SEC61A2: variants seen among roughly 807,000 people sequenced by gnomAD.
SEC61A2 encodes SEC61 translocon subunit alpha 2.
In SEC61A2, 28 loss-of-function variants were observed where a neutral mutation model predicts 59.9. The ratio of observed to expected loss-of-function variants is 0.47; its 90% CI spans 0.35 to 0.64. SEC61A2 has a LOEUF of 0.64. SEC61A2 is among the 30% of genes least tolerant of loss of function. SEC61A2 has a pLI of 0.01. For synonymous variants in SEC61A2, 202 were observed against 214.4 expected, an observed-to-expected ratio of 0.94 and a Z score of 0.50; for missense variants, 340 against 585.9, an observed-to-expected ratio of 0.58 and a Z score of 4.33.
chr10:12,148,635 G>A (rs757183839), intron 4 of SEC61A2, among the ~76,000 whole-genome samples: 4 of 151,554 alleles, frequency 2.6e-5, no homozygotes, highest in African/African-American at 4.9e-5. Context: ...CAACTCCTCG[G>A]TTCAAGGGAT....
In SEC61A2 at chr10:12,154,127, T is replaced by C. The variant is rs1834344313; in HGVS notation, c.463-1651T>C. Among the ~76,000 whole-genome samples, 1 of 152,198 alleles carries C rather than the reference T, an allele frequency of 6.6e-6. No homozygotes were observed. The highest frequency in any genetic ancestry group is 1.5e-5 in the Non-Finnish European group (1 of 68,034). The stretch of plus-strand genomic sequence containing the variant: ...ATGTCGTCCATTCCCCGTGAACATG[T>C]AGCAGTTAGGGTTCTGGTCCCATCA... On this transcript the variant is annotated intron_variant, in intron 6 of 11. Transcript: ENST00000298428. The surrounding 1 kb of genome is among the most constrained non-coding windows in gnomAD (Gnocchi z 5.2).
chr10:12,168,315 C>T (rs1834760959), downstream of SEC61A2, among the ~76,000 whole-genome samples: 1 of 152,194 alleles, frequency 6.6e-6, no homozygotes, highest in Admixed American at 6.5e-5. This position sits in a 1 kb window ranked among gnomAD's most constrained non-coding sequence, Gnocchi z 4.8. Context: ...TGAGCTACCG[C>T]ACCCAGCCAG....
rs1483715074 is a variant in SEC61A2, at chr10:12,164,400, A to C, written c.1377A>C (p.Glu459Asp). ...LAVTIIYQYF[E>D]IFVKEQAEVG... ...TCACTATTATTTACCAGTATTTTGA[A>C]ATATTTGTTAAAGAACAGGCCGAAG... The change falls in exon 12 of 12, where the codon GAA becomes GAC. Residue 459 changes from glutamate to aspartate, a missense_variant. Physicochemically the swap from Glu to Asp is conservative, Grantham distance 45. This residue lies in a region of SEC61A2 where 283 missense variants were observed against 483.2 expected (regional missense o/e 0.59). Coordinates refer to ENST00000298428, the MANE Select transcript of SEC61A2 (RefSeq NM_018144.4). This position sits in a 1 kb window ranked among gnomAD's most constrained non-coding sequence, Gnocchi z 7.3. 6.2e-7 allele frequency: 1 copy of C among 1,613,988 alleles called. No individual in the cohort carries two copies. Among genetic ancestry groups the C allele is most frequent in the South Asian group, 1.1e-5 (1 of 91,046 alleles).
chr10:12,138,818 T>C (rs1833944738), intron 3 of SEC61A2, among the ~76,000 whole-genome samples: 1 of 152,258 alleles, frequency 6.6e-6, no homozygotes, highest in Non-Finnish European at 1.5e-5. Flanking sequence ...CAATTTGCTA[T>C]GAACATTCAT....
rs1294009257 is a variant in SEC61A2, at chr10:12,154,482, T to G, written c.463-1296T>G. Among the ~76,000 whole-genome samples, 1 of 152,194 alleles carries G rather than the reference T, an allele frequency of 6.6e-6. No individual in the cohort carries two copies. The highest frequency in any genetic ancestry group is 1.9e-4 in the East Asian group (1 of 5,198). On this transcript the variant is annotated intron_variant, in intron 6 of 11. Transcript: ENST00000298428. This position sits in a 1 kb window ranked among gnomAD's most constrained non-coding sequence, Gnocchi z 5.2. ...CTGTTGCCTCCTGCATAGGATGGGT[T>G]TCTCTATGATGGGGAGTCTCTGTTC... is the stretch of plus-strand genomic sequence containing the variant.
chr10:12,156,983 G>A lies in SEC61A2; in HGVS notation c.693G>A (p.Arg231=). The part of the protein sequence containing the change: ...ATRTDKVRAL[R]EAFYRQNLPN... ...GGACGGACAAAGTCCGAGCTTTACG[G>A]GAGGCTTTTTATCGGCAGAACTTAC... is the stretch of plus-strand genomic sequence containing the variant. Residue 231 remains arginine, a synonymous_variant, in exon 8 of 12, where the codon CGG becomes CGA. Coordinates refer to ENST00000298428, the MANE Select transcript of SEC61A2 (RefSeq NM_018144.4). This position sits in a 1 kb window ranked among gnomAD's most constrained non-coding sequence, Gnocchi z 5.2. 1 of 1,614,032 alleles carries A rather than the reference G, an allele frequency of 6.2e-7. No individual in the cohort carries two copies. The highest frequency in any genetic ancestry group is 8.5e-7 in the Non-Finnish European group (1 of 1,179,930).
At chr10:12,137,269 G>T (rs997002596) in intron 3 of SEC61A2, among the ~76,000 whole-genome samples, 4 of 152,134 alleles carry the variant, frequency 2.6e-5, no homozygotes, top group African/African-American at 9.7e-5. Flanking sequence ...ATCTTGGGTT[G>T]TACTGTGTTT....
chr10:12,137,169 T>C (rs979263926), intron 3 of SEC61A2, among the ~76,000 whole-genome samples: 1 of 151,882 alleles, frequency 6.6e-6, no homozygotes, highest in Non-Finnish European at 1.5e-5. Flanking sequence ...GCCTCCCTAG[T>C]AGGTAGGACT....
intron 2 of SEC61A2, 90 bp downstream of exon 2, chr10:12,133,398 C>T: frequency 1.6e-6 from 1 of 640,268 alleles, no homozygotes; most frequent in Non-Finnish European, 2.8e-6. Flanking sequence ...CAGTCCTTCT[C>T]TGTTGGTAAT....
intron 3 of SEC61A2, among the ~76,000 whole-genome samples, chr10:12,137,779 G>A (rs532415722): frequency 6.6e-6 from 1 of 152,242 alleles, no homozygotes; most frequent in Admixed American, 6.5e-5. Flanking sequence ...GGCCAAAGTG[G>A]GAGGATTACT....
At position 12,149,599 on chromosome 10, in the gene SEC61A2, T is replaced by A. The variant is rs748795025; in HGVS notation, c.225T>A (p.Thr75=). Residue 75 remains threonine (T), a synonymous_variant, in exon 5 of 12, where the codon ACT becomes ACA. Transcript: ENST00000298428. This position sits in a 1 kb window ranked among gnomAD's most constrained non-coding sequence, Gnocchi z 5.2. ...TTCTCTCCCCTTCCTTTCCAGGAACTTTAATGGAATTGGGTATCTCCCCAA... is the reference window on the plus strand; with the variant it reads ...TTCTCTCCCCTTCCTTTCCAGGAACATTAATGGAATTGGGTATCTCCCCAA... ...MRVILASNRG[T]LMELGISPIV... is the part of the protein sequence containing the mutation. 203 of 1,603,442 alleles carry A rather than the reference T, an allele frequency of 1.3e-4. 1 individual carries two copies. Among genetic ancestry groups the A allele is most frequent in the Non-Finnish European group, 7.2e-5 (85 of 1,176,518 alleles).
rs139965160 is a variant in SEC61A2 at position 12,147,552 on chromosome 10, G to T, written c.221-2043G>T. ...ATACAGAAATTAGCTGGGCATGGTG[G>T]CTTACGCCAGTAATCTCAGGTACTC... On this transcript the variant is annotated intron_variant, in intron 4 of 11. Transcript: ENST00000298428. 2.6e-3 allele frequency among the ~76,000 whole-genome samples: 395 copies of T among 152,172 alleles called. 1 individual carries two copies. Among genetic ancestry groups the T allele is most frequent in the African/African-American group, 9.2e-3 (380 of 41,514 alleles).
At position 12,155,893 on chromosome 10, in the gene SEC61A2, G is replaced by A; in HGVS notation, c.578G>A (p.Trp193Ter). ...ACCAACATCTGTGAGACCATTGTCTGGAAGGCCTTTAGTCCCACTACCATT... is the reference window on the plus strand; with the variant it reads ...ACCAACATCTGTGAGACCATTGTCTAGAAGGCCTTTAGTCCCACTACCATT... The part of the protein sequence containing the change: ...IATNICETIV[W>*]KAFSPTTINT... Residue 193 changes from tryptophan to a stop codon, truncating the protein, a stop_gained, in exon 7 of 12, where the codon TGG (tryptophan) becomes TAG (stop). Transcript: ENST00000298428. LOFTEE classifies it high-confidence loss of function. This position sits in a 1 kb window ranked among gnomAD's most constrained non-coding sequence, Gnocchi z 4.3. 6.2e-7 allele frequency: 1 copy of A among 1,614,188 alleles called. No individual in the cohort carries two copies. Among genetic ancestry groups the A allele is most frequent in the Non-Finnish European group, 8.5e-7 (1 of 1,180,026 alleles).
chr10:12,153,760 G>A lies in SEC61A2; in HGVS notation c.463-2018G>A, dbSNP rs1834335774. The A allele has an allele frequency of 1.9e-6, 3 of 1,610,970 alleles. No individual in the cohort carries two copies. Among genetic ancestry groups the A allele is most frequent in the African/African-American group, 2.7e-5 (2 of 74,854 alleles). On this transcript the variant is annotated intron_variant, in intron 6 of 11. Transcript: ENST00000298428. This position sits in a 1 kb window ranked among gnomAD's most constrained non-coding sequence, Gnocchi z 5.2. ...AAGGCGTTACTAACATTGAAAATAT[G>A]TGGATACACTGAAGAGCTATGATTG... is the stretch of plus-strand genomic sequence containing the variant.
At chr10:12,141,059 C>T (rs1194394215) in intron 3 of SEC61A2, among the ~76,000 whole-genome samples, 3 of 152,092 alleles carry the variant, frequency 2.0e-5, no homozygotes, top group Non-Finnish European at 2.9e-5. Context: ...GCCGCCACTC[C>T]CTGCTAATTT....
chr10:12,149,005 T>C lies in SEC61A2; in HGVS notation c.221-590T>C, dbSNP rs1173043448. Among the ~76,000 whole-genome samples, 1 of 152,162 alleles carries C rather than the reference T, an allele frequency of 6.6e-6. No individual in the cohort carries two copies. The highest frequency in any genetic ancestry group is 2.4e-5 in the African/African-American group (1 of 41,442). ...TGATGTGACAGAGTGGCCCAGGAAG[T>C]CTTGGCACTGTAGAATTACTTGATT... On this transcript the variant is annotated intron_variant, in intron 4 of 11. Coordinates refer to ENST00000298428, the MANE Select transcript of SEC61A2 (RefSeq NM_018144.4). This position sits in a 1 kb window ranked among gnomAD's most constrained non-coding sequence, Gnocchi z 5.2.
At chr10:12,167,664 G>A (rs769933424), downstream of SEC61A2, 2 of 1,584,328 alleles carry the variant, frequency 1.3e-6, no homozygotes, top group South Asian at 1.1e-5. Context: ...AAGGCCTGGT[G>A]GTCTCGTTTA....
rs553425979 is a variant in SEC61A2, at chr10:12,163,068, T to G, written c.1244+779T>G. Among the ~76,000 whole-genome samples the G allele has an allele frequency of 4.6e-5, 7 of 152,344 alleles. No individual in the cohort carries two copies. The South Asian group carries it at 1.2e-3, about 27-fold the overall frequency. ...GTTGTGAACATATTTGTACAAATTT[T>G]GTGCTGCTCAGCTGTCTTCCAGGTT... is the stretch of plus-strand genomic sequence containing the variant. On this transcript the variant is annotated intron_variant, in intron 11 of 11. Coordinates refer to ENST00000298428, the MANE Select transcript of SEC61A2 (RefSeq NM_018144.4).
Position 12,158,241 on chromosome 10 carries a change from G to A in SEC61A2, c.975+136G>A. The A allele has an allele frequency of 1.4e-6, 1 of 694,222 alleles. No individual in the cohort carries two copies. The highest frequency in any genetic ancestry group is 2.4e-6 in the Non-Finnish European group (1 of 424,976). The allele number at this position is 694,222 out of a possible 1,614,324, so 43.0% of individuals were successfully genotyped here. A position where few individuals can be genotyped will look rare whatever the true frequency, so the allele number is the denominator to read the frequency against. ...TCACTTACCTATATAGCAGAGTTTAGTACTTATCTGGAAGAACTGGTAAGT... is the reference window on the plus strand; with the variant it reads ...TCACTTACCTATATAGCAGAGTTTAATACTTATCTGGAAGAACTGGTAAGT... On this transcript the variant is annotated intron_variant, in intron 9 of 11. Transcript: ENST00000298428. The surrounding 1 kb of genome is among the most constrained non-coding windows in gnomAD (Gnocchi z 5.7).
Sources: gnomAD v4.1 joint callset for allele counts (sites outside exome capture counted in the v4.1 genomes callset) on GRCh38, gnomAD v4.1.1 for gene constraint, gnomAD v4.1.1 regional missense constraint, Gnocchi (gnomAD v3.1) non-coding constraint, MANE v1.5 for transcripts, NCBI Gene and HGNC (gene_info 2026-07-23, HGNC 2026-07-21) for gene names.